The following ALPK1 variants were observed in gnomAD, a reference collection of about 807,000 sequenced individuals.
ALPK1 encodes alpha-protein kinase 1.
In ALPK1, 110 loss-of-function variants were observed where a neutral mutation model predicts 120.6. The ratio of observed to expected loss-of-function variants is 0.91; its 90% CI spans 0.78 to 1.07. The LOEUF is 1.07. Among genes scored for constraint, ALPK1 ranks in the 50% least tolerant of loss-of-function variants. ALPK1 has a pLI of 0.00. For synonymous variants in ALPK1, 582 were observed against 560.3 expected (o/e 1.04, Z -0.55); for missense variants, 1,498 against 1,483.9 (o/e 1.01, Z -0.16).
At chr4:112,345,028 G>C (rs184351391) in intron 2 of ALPK1, among the ~76,000 whole-genome samples, 1 of 152,240 alleles carries the variant, frequency 6.6e-6, no homozygotes, top group East Asian at 1.9e-4. Flanking sequence ...TAGAATTTTT[G>C]TTGTCAGCTG....
intron 3 of ALPK1, 62 bp from the exon 4 acceptor site, chr4:112,382,336 T>C (rs1326952356): frequency 7.5e-7 from 1 of 1,331,706 alleles, no homozygotes; most frequent in Non-Finnish European, 1.1e-6. Context: ...CATCATAACA[T>C]TGGTAGCTCA....
chr4:112,358,122 C>A, intron 2 of ALPK1: 1 of 605,012 alleles, frequency 1.7e-6, no homozygotes, highest in Non-Finnish European at 3.1e-6. Flanking sequence ...CAGGTTGGGG[C>A]TGGGGGCCAG....
chr4:112,317,318 A>G (rs1358992587), intron 2 of ALPK1, among the ~76,000 whole-genome samples: 1 of 152,074 alleles, frequency 6.6e-6, no homozygotes, highest in African/African-American at 2.4e-5. Context: ...ACCAAACCCT[A>G]CTTCATGAAG....
chr4:112,401,374 G>A (rs1732908127), intron 4 of ALPK1, among the ~76,000 whole-genome samples: 1 of 152,210 alleles, frequency 6.6e-6, no homozygotes, highest in African/African-American at 2.4e-5. Flanking sequence ...TGTTGGATTT[G>A]TGCTATAGAA....
At position 112,430,781 on chromosome 4, in the gene ALPK1, A is replaced by G. The variant is rs1301356209; in HGVS notation, c.1234A>G (p.Ile412Val). 1.2e-6 allele frequency: 2 copies of G among 1,614,126 alleles called. No homozygotes were observed. The highest frequency in any genetic ancestry group is 3.3e-5 in the Admixed American group (2 of 60,012). Residue 412 changes from isoleucine to valine, a missense_variant, in exon 11 of 16, where the codon ATT (isoleucine) becomes GTT (valine). By Grantham distance (29) the Ile-to-Val change is conservative (BLOSUM62 3). Coordinates refer to ENST00000650871, the MANE Select transcript of ALPK1 (RefSeq NM_025144.4). ...EALSQEVMSV[I>V]AQVKEHLQVQ... is the part of the protein sequence containing the mutation. ...TCTGTCTCAAGAAGTTATGTCTGTG[A>G]TTGCCCAGGTGAAGGAACATTTACA... is the stretch of plus-strand genomic sequence containing the variant.
Position 112,439,774 on chromosome 4 carries a change from T to C in ALPK1, c.3440T>C (p.Val1147Ala). ...GTAAAATTGTCAAATAACACGAAAGTGGTGAAAACAGAATACAAAGCCACA... is the reference window on the plus strand; with the variant it reads ...GTAAAATTGTCAAATAACACGAAAGCGGTGAAAACAGAATACAAAGCCACA... Reference protein sequence around the residue: ...EFVKLSNNTKVVKTEYKATEY... With the variant: ...EFVKLSNNTKAVKTEYKATEY... The change falls in exon 14 of 16, where the codon GTG becomes GCG. Residue 1147 changes from valine (V) to alanine (A), a missense_variant. Physicochemically the swap from Val to Ala is moderately conservative, Grantham distance 64. Transcript: ENST00000650871. 5 of 1,613,610 alleles carry C rather than the reference T, an allele frequency of 3.1e-6. No homozygotes were observed. Among genetic ancestry groups the C allele is most frequent in the Non-Finnish European group, 4.2e-6 (5 of 1,179,830 alleles).
intron 1 of ALPK1, among the ~76,000 whole-genome samples, chr4:112,311,877 C>A (rs2110532743): frequency 6.6e-6 from 1 of 152,248 alleles, no homozygotes; most frequent in Admixed American, 6.5e-5. Context: ...TAAAGTAAGG[C>A]TGAAAGAAAA....
intron 13 of ALPK1, 141 bp downstream of exon 13, chr4:112,438,787 G>A (rs1297801134): frequency 2.2e-6 from 2 of 904,638 alleles, no homozygotes; most frequent in African/African-American, 3.4e-5. Context: ...TTCCAAGAGA[G>A]AAAGAACCCT....
At chr4:112,341,778 G>C (rs993366214) in intron 2 of ALPK1, among the ~76,000 whole-genome samples, 6 of 152,146 alleles carry the variant, frequency 3.9e-5, no homozygotes, top group African/African-American at 9.7e-5. Flanking sequence ...GTGGACAAAG[G>C]CTTCTCTTCT....
intron 2 of ALPK1, among the ~76,000 whole-genome samples, chr4:112,370,265 A>G (rs1731343394): frequency 6.6e-6 from 1 of 152,242 alleles, no homozygotes. Context: ...TACAGCATGT[A>G]TAAACACATG....
At position 112,407,470 on chromosome 4, in the gene ALPK1, C is replaced by T. The variant is rs189365144; in HGVS notation, c.277-4357C>T. Among the ~76,000 whole-genome samples the T allele has an allele frequency of 5.9e-5, 9 of 151,986 alleles. No individual in the cohort carries two copies. The East Asian group carries it at 1.4e-3, about 23-fold the overall frequency. On this transcript the variant is annotated intron_variant, in intron 4 of 15. Coordinates refer to ENST00000650871, the MANE Select transcript of ALPK1 (RefSeq NM_025144.4). ...CTCCAGCCTGGGTGACAGAGTGAGA[C>T]CCTGTCTCTAAAAATTAATTAAAAA...
At chr4:112,407,933 C>CTTGGGGGA (rs1560674270) in intron 4 of ALPK1, among the ~76,000 whole-genome samples, 1 of 152,104 alleles carries the variant, frequency 6.6e-6, no homozygotes, top group Non-Finnish European at 1.5e-5. Flanking sequence ...TAGTGAAACC[C>CTTGGGGGA]CGTCTCTACT....
rs1730885928 is a variant in ALPK1 at position 112,360,926 on chromosome 4, T to C, written c.-100-16752T>C. ...GTGTTCCATGGCTTCATTATGATAT[T>C]TTTCTACATGGATATTTATTTGTTA... is the stretch of plus-strand genomic sequence containing the variant. On this transcript the variant is annotated intron_variant, in intron 2 of 15. Transcript: ENST00000650871. 2.0e-5 allele frequency among the ~76,000 whole-genome samples: 3 copies of C among 152,220 alleles called. 1 individual carries two copies. The highest frequency in any genetic ancestry group is 6.5e-5 in the Admixed American group (1 of 15,288).
chr4:112,400,921 TG>T, intron 4 of ALPK1, among the ~76,000 whole-genome samples: 1 of 152,122 alleles, frequency 6.6e-6, no homozygotes, highest in East Asian at 1.9e-4. Flanking sequence ...TCAGATAATG[TG>T]TTTCATCCAC....
At position 112,432,434 on chromosome 4, in the gene ALPK1, G is replaced by C; in HGVS notation, c.2887G>C (p.Gly963Arg). ...TGGGAGTTCTTGGGTTTCATTGCCG[G>C]GAAAGATGAGGAAAGAGATCCTTGA... The part of the protein sequence containing the change: ...SSGSSWVSLP[G>R]KMRKEILEAR... Residue 963 changes from glycine (G) to arginine (R), a missense_variant, in exon 11 of 16, where the codon GGA becomes CGA. Gly to Arg is a moderately radical substitution (Grantham distance 125, BLOSUM62 -2). Coordinates refer to ENST00000650871, the MANE Select transcript of ALPK1 (RefSeq NM_025144.4). 6.2e-7 allele frequency: 1 copy of C among 1,614,114 alleles called. No individual in the cohort carries two copies. The highest frequency in any genetic ancestry group is 8.5e-7 in the Non-Finnish European group (1 of 1,180,016).
intron 1 of ALPK1, among the ~76,000 whole-genome samples, chr4:112,299,293 T>C (rs1727685524): frequency 6.6e-6 from 1 of 152,126 alleles, no homozygotes; most frequent in Admixed American, 6.5e-5. Flanking sequence ...AACTTAAATA[T>C]CAGATACATA....
chr4:112,317,574 C>A (rs191281185), intron 2 of ALPK1, among the ~76,000 whole-genome samples: 1 of 152,232 alleles, frequency 6.6e-6, no homozygotes, highest in Non-Finnish European at 1.5e-5. Context: ...TATTTCTGGG[C>A]TTCTTATACA....
Position 112,435,319 on chromosome 4 carries a change from T to A in ALPK1, c.3188+18T>A. ...CTGGGGAGGTATTACTTAAAAACAT[T>A]TGTATAACTAATGTAAGATGAGCTA... On this transcript the variant is annotated intron_variant, in intron 12 of 15. Transcript: ENST00000650871. 1 of 1,601,130 alleles carries A rather than the reference T, an allele frequency of 6.2e-7. No individual in the cohort carries two copies. The highest frequency in any genetic ancestry group is 8.5e-7 in the Non-Finnish European group (1 of 1,174,626).
chr4:112,436,256 T>C (rs1280888967), intron 12 of ALPK1, among the ~76,000 whole-genome samples: 2 of 151,612 alleles, frequency 1.3e-5, no homozygotes, highest in Non-Finnish European at 2.9e-5. Flanking sequence ...ATTTATATGC[T>C]AATTCAATTA....
Sources: gnomAD v4.1 joint callset for allele counts (sites outside exome capture counted in the v4.1 genomes callset) on GRCh38, gnomAD v4.1.1 for gene constraint, MANE v1.5 for transcripts, NCBI Gene and HGNC (gene_info 2026-07-23, HGNC 2026-07-21) for gene names.